Variants in APC observed in about 807,000 individuals in gnomAD.
APC encodes adenomatous polyposis coli protein.
A neutral mutation model predicts 247.0 loss-of-function variants in APC; 72 were observed. The observed-to-expected ratio is 0.29, with a 90% confidence interval of 0.24 to 0.35. APC has a LOEUF of 0.35. Ranked by LOEUF, APC falls within the 10% of genes least tolerant of loss-of-function variation. The probability of loss-of-function intolerance (pLI) is 1.00; values close to 1 mark genes in which losing one functional copy is unlikely to be tolerated. For missense variants in APC, 3,400 were observed against 3,360.7 expected, an observed-to-expected ratio of 1.01 and a Z score of -0.29; for synonymous variants, 1,254 against 1,162.5, an observed-to-expected ratio of 1.08 and a Z score of -1.60.
chr5:112,836,995 C>T (rs1198431797), intron 15 of APC, among the ~76,000 whole-genome samples: 1 of 152,208 alleles, frequency 6.6e-6, no homozygotes, highest in Non-Finnish European at 1.5e-5. Flanking sequence ...GCCACTGTGT[C>T]TGGCCAAGAG....
At chr5:112,758,470 G>A (rs1469276564) in intron 2 of APC, among the ~76,000 whole-genome samples, 1 of 152,186 alleles carries the variant, frequency 6.6e-6, no homozygotes, top group Non-Finnish European at 1.5e-5. Context: ...GGGACTACGG[G>A]TGTGCACCAC....
At position 112,841,503 on chromosome 5, in the gene APC, G is replaced by T. The variant is rs753781948; in HGVS notation, c.5909G>T (p.Ser1970Ile). The change falls in exon 16 of 16, where the codon AGT becomes ATT. Residue 1970 changes from serine to isoleucine, a missense_variant. By Grantham distance (142) the Ser-to-Ile change is moderately radical (BLOSUM62 -2). Around this residue, in one of 9 missense-constraint regions of APC, gnomAD observed 1,788 missense variants for 1,649.5 expected, o/e 1.08. Coordinates refer to ENST00000257430, the MANE Select transcript of APC (RefSeq NM_000038.6). The surrounding 1 kb of genome is among the most constrained non-coding windows in gnomAD (Gnocchi z 4.6). ...PVCFSHNSSL[S>I]SLSDIDQENN... The stretch of plus-strand genomic sequence containing the variant: ...TGCTTTTCTCATAATTCCTCTCTGA[G>T]TTCTCTCAGTGACATTGACCAAGAA... 2 of 1,613,568 alleles carry T rather than the reference G, an allele frequency of 1.2e-6. No homozygotes were observed. The highest frequency in any genetic ancestry group is 1.3e-5 in the African/African-American group (1 of 74,894).
intron 2 of APC, 25 bp downstream of exon 2, chr5:112,755,050 G>A (rs1581122317): frequency 1.9e-6 from 3 of 1,612,272 alleles, no homozygotes; most frequent in Non-Finnish European, 2.5e-6. Context: ...ACTTTTAATT[G>A]TAGTTTATCC....
chr5:112,746,494 C>T (rs957121241), intron 1 of APC, among the ~76,000 whole-genome samples: 7 of 152,034 alleles, frequency 4.6e-5, no homozygotes, highest in South Asian at 2.1e-4. Context: ...TCAACAGGCT[C>T]GTAAAAGCAT....
At chr5:112,770,714 A>C (rs1756942209) in intron 4 of APC, among the ~76,000 whole-genome samples, 1 of 152,114 alleles carries the variant, frequency 6.6e-6, no homozygotes. Flanking sequence ...AACTCTAAAT[A>C]ATATGTTTAT....
intron 7 of APC, among the ~76,000 whole-genome samples, chr5:112,800,063 A>G (rs186202747): frequency 6.6e-6 from 1 of 152,078 alleles, no homozygotes; most frequent in Non-Finnish European, 1.5e-5. Context: ...TATTTCTGTC[A>G]TTATTTGACA....
intron 1 of APC, among the ~76,000 whole-genome samples, chr5:112,719,919 T>A (rs1486362598): frequency 6.6e-6 from 1 of 152,082 alleles, no homozygotes; most frequent in Non-Finnish European, 1.5e-5. Flanking sequence ...TTAATTTAAA[T>A]TTTTTTTACA....
At chr5:112,785,901 T>C (rs1758891279) in intron 6 of APC, among the ~76,000 whole-genome samples, 1 of 152,154 alleles carries the variant, frequency 6.6e-6, no homozygotes, top group African/African-American at 2.4e-5. Context: ...GAGATCTTCT[T>C]AAATATGAAT....
intron 10 of APC, among the ~76,000 whole-genome samples, chr5:112,820,219 G>T (rs1478212627): frequency 6.6e-6 from 1 of 150,686 alleles, no homozygotes; most frequent in East Asian, 1.9e-4. Flanking sequence ...ACACACACGT[G>T]CACTACAAGT....
intron 6 of APC, among the ~76,000 whole-genome samples, chr5:112,791,985 C>T (rs1759655739): frequency 6.6e-6 from 1 of 152,170 alleles, no homozygotes; most frequent in Non-Finnish European, 1.5e-5. Flanking sequence ...GTGGCTCACG[C>T]CTGTAAGCCC....
intron 7 of APC, among the ~76,000 whole-genome samples, chr5:112,794,006 CTT>C (rs1362636967): frequency 1.3e-5 from 2 of 149,622 alleles, no homozygotes; most frequent in Non-Finnish European, 3.0e-5. Context: ...TTTCTTAAAA[CTT>C]TTCTTTTTTT....
Position 112,833,479 on chromosome 5 carries a change from C to T in APC, c.1744-1472C>T, listed in dbSNP as rs138766611. 4.5e-3 allele frequency among the ~76,000 whole-genome samples: 682 copies of T among 151,982 alleles called. 7 individuals carry two copies. The highest frequency in any genetic ancestry group is 0.016 in the African/African-American group (659 of 41,510). ...TACAGGCATGAGCCATTGCGCCTGG[C>T]CGCCTGGCTACTTTTTATATTTTTT... On this transcript the variant is annotated intron_variant, in intron 14 of 15. Transcript: ENST00000257430.
chr5:112,734,680 G>C (rs764908389), upstream of APC, among the ~76,000 whole-genome samples: 1 of 151,874 alleles, frequency 6.6e-6, no homozygotes, highest in Non-Finnish European at 1.5e-5. Flanking sequence ...TTTTACACTA[G>C]TTAATATTGT....
chr5:112,780,679 A>T, intron 5 of APC, 111 bp from the exon 6 acceptor site: 1 of 751,142 alleles, frequency 1.3e-6, no homozygotes, highest in South Asian at 1.5e-5. Flanking sequence ...ATGCACCATG[A>T]CTGACGTATT....
chr5:112,823,755 G>C (rs1763373345), intron 11 of APC, among the ~76,000 whole-genome samples: 2 of 152,124 alleles, frequency 1.3e-5, no homozygotes, highest in African/African-American at 4.8e-5. Flanking sequence ...TAATGATTAA[G>C]ACCTGGTCCT....
intron 4 of APC, among the ~76,000 whole-genome samples, chr5:112,768,147 G>A (rs555629468): frequency 1.5e-4 from 23 of 150,632 alleles, no homozygotes; most frequent in Non-Finnish European, 1.0e-4. Context: ...AGGTTCAAGC[G>A]ATTCTTCTGC....
Position 112,841,331 on chromosome 5 carries a change from A to G in APC, c.5737A>G (p.Ile1913Val), listed in dbSNP as rs1554086935. The change falls in exon 16 of 16, where the codon ATT (isoleucine) becomes GTT (valine). Residue 1913 changes from isoleucine (I) to valine (V), a missense_variant. Transcript: ENST00000257430. This position sits in a 1 kb window ranked among gnomAD's most constrained non-coding sequence, Gnocchi z 4.6. Reference protein sequence around the residue: ...NQQSANKTQAIAKQPINRGQP... With the variant: ...NQQSANKTQAVAKQPINRGQP... ...ACAATCAGCTAATAAGACACAAGCT[A>G]TTGCAAAGCAGCCAATAAATCGAGG... 4 of 1,613,926 alleles carry G rather than the reference A, an allele frequency of 2.5e-6. No individual in the cohort carries two copies. The highest frequency in any genetic ancestry group is 2.2e-5 in the East Asian group (1 of 44,878).
In APC at chr5:112,831,292, A is replaced by G. The variant is rs146043658; in HGVS notation, c.1743+2320A>G. On this transcript the variant is annotated intron_variant, in intron 14 of 15. Coordinates refer to ENST00000257430, the MANE Select transcript of APC (RefSeq NM_000038.6). The stretch of plus-strand genomic sequence containing the variant: ...CCCAGCTAGTTTTTGTATTTTTAGT[A>G]GAGACGGGGTTTCACCATGTTGGCC... Among the ~76,000 whole-genome samples, 1,122 of 152,198 alleles carry G rather than the reference A, an allele frequency of 7.4e-3. 5 individuals carry two copies. Among genetic ancestry groups the G allele is most frequent in the Non-Finnish European group, 0.011 (728 of 67,992 alleles).
chr5:112,838,063 A>C lies in APC; in HGVS notation c.2469A>C (p.Ser823=), dbSNP rs1765189659. The part of the protein sequence containing the change: ...NFNTGNMTVL[S]PYLNTTVLPS... Reference sequence around the variant, plus strand: ...ATACTGGCAACATGACTGTCCTTTCACCATATTTGAATACTACAGTGTTAC... The same window carrying C: ...ATACTGGCAACATGACTGTCCTTTCCCCATATTTGAATACTACAGTGTTAC... Residue 823 remains serine (S), a synonymous_variant, in exon 16 of 16, where the codon TCA becomes TCC. Coordinates refer to ENST00000257430, the MANE Select transcript of APC (RefSeq NM_000038.6). 6.2e-7 allele frequency: 1 copy of C among 1,614,174 alleles called. No homozygotes were observed.
Sources: gnomAD v4.1 joint callset for allele counts (sites outside exome capture counted in the v4.1 genomes callset) on GRCh38, gnomAD v4.1.1 for gene constraint, gnomAD v4.1.1 regional missense constraint, Gnocchi (gnomAD v3.1) non-coding constraint, MANE v1.5 for transcripts, NCBI Gene and HGNC (gene_info 2026-07-23, HGNC 2026-07-21) for gene names.